The following CBLB variants were observed in gnomAD, a reference collection of about 807,000 sequenced individuals.
CBLB encodes the protein E3 ubiquitin-protein ligase CBL-B.
CBLB carries 31 observed loss-of-function variants against 104.9 expected under a neutral mutation model. The observed-to-expected ratio is 0.30, with a 90% CI of 0.22 to 0.40. CBLB has a LOEUF of 0.40. CBLB is among the 10% of genes least tolerant of loss of function. The probability of loss-of-function intolerance (pLI) is 1.00; values close to 1 mark genes in which losing one functional copy is unlikely to be tolerated. For synonymous variants in CBLB, 440 were observed against 422.6 expected (o/e 1.04, Z -0.51); for missense variants, 1,062 against 1,214.6 (o/e 0.87, Z 1.87).
intron 13 of CBLB, among the ~76,000 whole-genome samples, chr3:105,693,213 T>C (rs1271340777): frequency 6.6e-6 from 1 of 152,074 alleles, no homozygotes; most frequent in Non-Finnish European, 1.5e-5. Context: ...GGATACCTCA[T>C]TGTGCTACTC....
intron 4 of CBLB, among the ~76,000 whole-genome samples, chr3:105,755,002 A>C (rs1410830678): frequency 6.6e-6 from 1 of 151,012 alleles, no homozygotes; most frequent in Non-Finnish European, 1.5e-5. Context: ...AAGTCTTGAA[A>C]AACAGTATCT....
At chr3:105,754,535 G>GAGAC (rs2076900527) in intron 4 of CBLB, among the ~76,000 whole-genome samples, 4 of 115,086 alleles carry the variant, frequency 3.5e-5, no homozygotes, top group African/African-American at 1.3e-4. Context: ...GAGAGAGAGA[G>GAGAC]AGAGAGAGAG....
chr3:105,765,343 A>G (rs1451318523), intron 4 of CBLB, among the ~76,000 whole-genome samples: 1 of 152,168 alleles, frequency 6.6e-6, no homozygotes, highest in Non-Finnish European at 1.5e-5. Flanking sequence ...GTTGAAAAAG[A>G]AAAAACAAAA....
intron 10 of CBLB, among the ~76,000 whole-genome samples, chr3:105,706,030 G>T (rs7643647): frequency 0.99 from 150,059 of 152,144 alleles, 74,040 homozygotes; most frequent in East Asian, 1. Context: ...CCAGTCCCAC[G>T]ACTCAAGAGG....
intron 4 of CBLB, among the ~76,000 whole-genome samples, chr3:105,766,931 T>A (rs2078292206): frequency 6.6e-6 from 1 of 152,228 alleles, no homozygotes; most frequent in South Asian, 2.1e-4. Flanking sequence ...CTTCTTTTTA[T>A]ATCCTGTCTT....
intron 13 of CBLB, among the ~76,000 whole-genome samples, chr3:105,686,667 T>C (rs1482989506): frequency 1.3e-5 from 2 of 152,102 alleles, no homozygotes; most frequent in African/African-American, 4.8e-5. Context: ...TTCAACCATA[T>C]TATCTAAGTC....
chr3:105,726,152 G>C (rs2073597518), intron 9 of CBLB, among the ~76,000 whole-genome samples: 1 of 151,852 alleles, frequency 6.6e-6, no homozygotes, highest in Admixed American at 6.6e-5. Context: ...CCTGGCCAAA[G>C]ATTATTTCTT....
At chr3:105,808,560 G>T (rs910415810) in intron 3 of CBLB, among the ~76,000 whole-genome samples, 2 of 152,098 alleles carry the variant, frequency 1.3e-5, no homozygotes, top group Admixed American at 1.3e-4. Context: ...CTTGAAGGCA[G>T]GAGTCATATT....
At chr3:105,708,396 A>G (rs2070539470) in intron 10 of CBLB, among the ~76,000 whole-genome samples, 1 of 152,120 alleles carries the variant, frequency 6.6e-6, no homozygotes, top group African/African-American at 2.4e-5. Context: ...TAAGTATAAA[A>G]CATCTTGGGT....
At chr3:105,848,970 G>T (rs1217124943) in intron 3 of CBLB, among the ~76,000 whole-genome samples, 2 of 152,070 alleles carry the variant, frequency 1.3e-5, no homozygotes, top group African/African-American at 4.8e-5. Context: ...GGTTCTGATT[G>T]GTAATGTACA....
rs200499603 is a variant in CBLB at position 105,854,593 on chromosome 3, AT to A, written c.169-930del. Among the ~76,000 whole-genome samples the A allele has an allele frequency of 3.5e-3, 507 of 145,198 alleles. 2 individuals carry two copies. The highest frequency in any genetic ancestry group is 8.3e-3 in the African/African-American group (330 of 39,732). On this transcript the variant is annotated intron_variant, in intron 2 of 18. Transcript: ENST00000394030. ...GGCTCTCTTCTAAGGCCCTCGTTGT[AT>A]TTTTTTTTTTTGTCAAATTGTCAAG...
chr3:105,735,300 G>A (rs899327168), intron 8 of CBLB, among the ~76,000 whole-genome samples: 5 of 152,092 alleles, frequency 3.3e-5, no homozygotes, highest in Admixed American at 2.6e-4. Flanking sequence ...GGAAAGAGAC[G>A]AGAGAATGCA....
At chr3:105,704,928 G>T (rs1049844467) in intron 10 of CBLB, among the ~76,000 whole-genome samples, 5 of 152,114 alleles carry the variant, frequency 3.3e-5, no homozygotes, top group African/African-American at 1.2e-4. Flanking sequence ...TTGTGTGTGT[G>T]TGTCTATGTG....
chr3:105,856,364 A>G (rs1047965725), intron 2 of CBLB, among the ~76,000 whole-genome samples: 30 of 151,612 alleles, frequency 2.0e-4, no homozygotes, highest in East Asian at 3.9e-4. Context: ...AAAAAAAAAA[A>G]AAAAGAAAAG....
At chr3:105,678,692 T>C (rs1458562760) in intron 16 of CBLB, 121 bp from the exon 17 acceptor site, 16 of 1,137,988 alleles carry the variant, frequency 1.4e-5, no homozygotes, top group African/African-American at 1.5e-5. Flanking sequence ...TCGCAGGGTT[T>C]ATCCAGCAGT....
At chr3:105,710,426 T>G (rs993800417) in intron 10 of CBLB, among the ~76,000 whole-genome samples, 1 of 151,952 alleles carries the variant, frequency 6.6e-6, no homozygotes, top group South Asian at 2.1e-4. Context: ...AAAATCCTTA[T>G]GTAGAGGTAA....
intron 7 of CBLB, among the ~76,000 whole-genome samples, chr3:105,738,430 G>A (rs1361072206): frequency 6.6e-6 from 1 of 151,684 alleles, no homozygotes; most frequent in Admixed American, 6.6e-5. Context: ...TGTCCTTATG[G>A]GTGTGTTACA....
chr3:105,783,734 A>G (rs553859975), intron 3 of CBLB, among the ~76,000 whole-genome samples: 1 of 152,248 alleles, frequency 6.6e-6, no homozygotes, highest in African/African-American at 2.4e-5. Flanking sequence ...TGTGTTTAAA[A>G]TTTCCAGGGT....
At position 105,853,502 on chromosome 3, in the gene CBLB, T is replaced by C. The variant is rs777005437; in HGVS notation, c.331A>G (p.Ile111Val). 3 of 1,613,506 alleles carry C rather than the reference T, an allele frequency of 1.9e-6. No homozygotes were observed. The highest frequency in any genetic ancestry group is 3.3e-5 in the Admixed American group (2 of 60,030). Reference protein sequence around the residue: ...LSENEYFKIYIDSLMKKSKRA... With the variant: ...LSENEYFKIYVDSLMKKSKRA... ...TTTGACTTTTTCATAAGGCTATCAA[T>C]GTAGATTTTAAAGTACTCATTCTCA... The change falls in exon 3 of 19, where the codon ATT becomes GTT. Residue 111 changes from isoleucine to valine, a missense_variant. Ile to Val is a conservative substitution (Grantham distance 29). Around this residue, in one of 2 missense-constraint regions of CBLB, gnomAD observed 457 missense variants for 632.0 expected, o/e 0.72. Coordinates refer to ENST00000394030, the MANE Select transcript of CBLB (RefSeq NM_170662.5).
Sources: allele counts gnomAD v4.1 joint callset (sites outside exome capture counted in the v4.1 genomes callset), GRCh38; gene constraint gnomAD v4.1.1; regional missense constraint gnomAD v4.1.1; transcripts MANE v1.5; gene names NCBI Gene and HGNC (gene_info 2026-07-23, HGNC 2026-07-21).